Variants in KCNG4 observed in about 807,000 individuals in gnomAD.
KCNG4 encodes the protein voltage-gated potassium channel regulatory subunit KCNG4.
In KCNG4, 30 loss-of-function variants were observed where a neutral mutation model predicts 28.2. The observed-to-expected ratio is 1.06, with a 90% confidence interval of 0.80 to 1.44. The LOEUF is 1.44. Ranked by LOEUF, KCNG4 falls within the 40% of genes most tolerant of loss-of-function variation. The pLI, the probability that KCNG4 is intolerant of heterozygous loss-of-function variation, is 0.00. For missense variants in KCNG4, 879 were observed against 712.3 expected (o/e 1.23, Z -2.66); for synonymous variants, 375 against 315.5 (o/e 1.19, Z -2.00).
At position 84,222,046 on chromosome 16, in the gene KCNG4, G is replaced by A. The variant is rs528164525; in HGVS notation, c.*171C>T. The A allele has an allele frequency of 2.1e-4, 155 of 755,948 alleles. No homozygotes were observed. In the East Asian group the frequency reaches 3.4e-3, roughly 17 times the overall value. The allele number at this position is 755,948 out of a possible 1,614,324, so 46.8% of individuals were successfully genotyped here. On this transcript the variant is annotated 3_prime_UTR_variant, in exon 3 of 3. Coordinates refer to ENST00000308251, the MANE Select transcript of KCNG4 (RefSeq NM_172347.3). ...AGTCAGCCTGGGACATCGGGGCCCC[G>A]AGGGACAAGGATCACAGACACACAG...
chr16:84,234,430 C>T lies in KCNG4; in HGVS notation c.756+2300G>A, dbSNP rs574972261. ...CTGACCTCAGGAGATCCACCCACCT[C>T]GGCTTCCCAGAGTGCTGAGCTTACA... On this transcript the variant is annotated intron_variant, in intron 2 of 2. Coordinates refer to ENST00000308251, the MANE Select transcript of KCNG4 (RefSeq NM_172347.3). Among the ~76,000 whole-genome samples, 14 of 152,270 alleles carry T rather than the reference C, an allele frequency of 9.2e-5. No individual in the cohort carries two copies. In the South Asian group the frequency reaches 2.5e-3, roughly 27 times the overall value.
chr16:84,226,222 AC>A lies in KCNG4; in HGVS notation c.757-3203del, dbSNP rs1904694320. On this transcript the variant is annotated intron_variant, in intron 2 of 2. Transcript: ENST00000308251. This position sits in a 1 kb window ranked among gnomAD's most constrained non-coding sequence, Gnocchi z 4.1. ...CCCAGGGTGTGAATGGTGAAACAAC[AC>A]CGATGAATCCCACAGGCATGATGTG... Among the ~76,000 whole-genome samples, 1 of 152,160 alleles carries A rather than the reference AC, an allele frequency of 6.6e-6. No homozygotes were observed. Among genetic ancestry groups the A allele is most frequent in the Non-Finnish European group, 1.5e-5 (1 of 68,014 alleles).
chr16:84,233,853 A>C (rs761738638), intron 2 of KCNG4, among the ~76,000 whole-genome samples: 1 of 150,090 alleles, frequency 6.7e-6, no homozygotes, highest in Non-Finnish European at 1.5e-5. Context: ...GTCGGATTTT[A>C]GAGCCAATCA....
In KCNG4 at chr16:84,237,189, C is replaced by G. The variant is rs1459654615; in HGVS notation, c.297G>C (p.Gln99His). The G allele has an allele frequency of 1.2e-6, 2 of 1,614,204 alleles. No homozygotes were observed. Among genetic ancestry groups the G allele is most frequent in the Non-Finnish European group, 1.7e-6 (2 of 1,180,048 alleles). The change falls in exon 2 of 3, where the codon CAG becomes CAC. Residue 99 changes from glutamine (Q) to histidine (H), a missense_variant. Transcript: ENST00000308251. The stretch of plus-strand genomic sequence containing the variant: ...TGTCCTCGTCGTAATCATCGCAGAG[C>G]TGCACGATCTCCTCGTAGCTCCGAC... ...RLCRSYEEIVQLCDDYDEDSQ... is the reference protein window; with the variant it reads ...RLCRSYEEIVHLCDDYDEDSQ...
intron 2 of KCNG4, among the ~76,000 whole-genome samples, chr16:84,234,422 AC>A (rs747031610): frequency 5.9e-5 from 9 of 151,772 alleles, no homozygotes; most frequent in Non-Finnish European, 1.2e-4. Flanking sequence ...CAGGAGATCC[AC>A]CCACCTCGGC....
intron 2 of KCNG4, 169 bp downstream of exon 2, chr16:84,236,561 A>T: frequency 1.1e-6 from 1 of 882,270 alleles, no homozygotes; most frequent in Non-Finnish European, 1.6e-6. Flanking sequence ...AAGATGGAAA[A>T]TTATCTTTTA....
chr16:84,237,547 G>C (rs542611642), intron 1 of KCNG4, 22 bp from the exon 2 acceptor site: 1 of 1,413,672 alleles, frequency 7.1e-7, no homozygotes, highest in South Asian at 1.9e-5. Context: ...GGGACAAAGA[G>C]CAAGCAAAAG....
At chr16:84,228,891 C>T (rs1904759382) in intron 2 of KCNG4, among the ~76,000 whole-genome samples, 1 of 152,242 alleles carries the variant, frequency 6.6e-6, no homozygotes, top group African/African-American at 2.4e-5. Flanking sequence ...CCGCTGCTGC[C>T]CTCCGGTTCA....
chr16:84,226,652 G>A lies in KCNG4; in HGVS notation c.757-3632C>T, dbSNP rs143179853. On this transcript the variant is annotated intron_variant, in intron 2 of 2. Coordinates refer to ENST00000308251, the MANE Select transcript of KCNG4 (RefSeq NM_172347.3). This position sits in a 1 kb window ranked among gnomAD's most constrained non-coding sequence, Gnocchi z 4.1. ...CCAGCACTTTGGGAGGGCAAGGTGG[G>A]TGGATCACCTGAGGTCAGGAGTTCG... Among the ~76,000 whole-genome samples the A allele has an allele frequency of 6.7e-4, 102 of 151,708 alleles. No individual in the cohort carries two copies. The highest frequency in any genetic ancestry group is 1.2e-3 in the Admixed American group (19 of 15,218).
At chr16:84,239,109 A>T (rs1046636830) in intron 1 of KCNG4, among the ~76,000 whole-genome samples, 15 of 152,188 alleles carry the variant, frequency 9.9e-5, no homozygotes, top group African/African-American at 3.4e-4. Context: ...CACTCCAATC[A>T]AGAGAAAAAC....
Position 84,222,149 on chromosome 16 carries a change from G to A in KCNG4, c.*68C>T. 10 of 1,510,418 alleles carry A rather than the reference G, an allele frequency of 6.6e-6. No individual in the cohort carries two copies. The South Asian group carries it at 1.2e-4, about 18-fold the overall frequency. The allele number at this position is 1,510,418 out of a possible 1,614,324, so 93.6% of individuals were successfully genotyped here. ...AACACCACCAGGTGGTCTATGCGGG[G>A]TACCCTTGAGTGTGTTTCAGGCAGG... On this transcript the variant is annotated 3_prime_UTR_variant, in exon 3 of 3. Coordinates refer to ENST00000308251, the MANE Select transcript of KCNG4 (RefSeq NM_172347.3).
intron 2 of KCNG4, among the ~76,000 whole-genome samples, chr16:84,227,301 G>A (rs1597617360): frequency 1.3e-5 from 2 of 152,362 alleles, no homozygotes; most frequent in South Asian, 4.1e-4. Flanking sequence ...CACAGGCCGG[G>A]TGTGGTGGCT....
rs1192364401 is a variant in KCNG4 at position 84,226,832 on chromosome 16, T to C, written c.757-3812A>G. Among the ~76,000 whole-genome samples the C allele has an allele frequency of 6.6e-6, 1 of 151,718 alleles. No homozygotes were observed. Among genetic ancestry groups the C allele is most frequent in the Non-Finnish European group, 1.5e-5 (1 of 67,896 alleles). The stretch of plus-strand genomic sequence containing the variant: ...AGGCGGAGGTTGCAGTGAGCCGAGA[T>C]TGCACCACTGCACTGCAGCCTGGGC... On this transcript the variant is annotated intron_variant, in intron 2 of 2. Coordinates refer to ENST00000308251, the MANE Select transcript of KCNG4 (RefSeq NM_172347.3). The surrounding 1 kb of genome is among the most constrained non-coding windows in gnomAD (Gnocchi z 4.1).
chr16:84,227,901 G>T (rs916327106), intron 2 of KCNG4, among the ~76,000 whole-genome samples: 13 of 152,204 alleles, frequency 8.5e-5, no homozygotes, highest in Non-Finnish European at 1.8e-4. Flanking sequence ...GCAGAGGGGT[G>T]GGTGTCCGGG....
rs765624408 is a variant in KCNG4 at position 84,237,357 on chromosome 16, C to G, written c.129G>C (p.Arg43Ser). Residue 43 changes from arginine to serine, a missense_variant, in exon 2 of 3, where the codon AGG becomes AGC. Transcript: ENST00000308251. ...TPSIKGLYYR[R>S]VRKVGALDAS... Reference sequence around the variant, plus strand: ...CGTCCAGGGCACCCACCTTCCGCACCCTCCGGTAGTAAAGGCCCTTGATGG... The same window carrying G: ...CGTCCAGGGCACCCACCTTCCGCACGCTCCGGTAGTAAAGGCCCTTGATGG... 6 of 1,556,248 alleles carry G rather than the reference C, an allele frequency of 3.9e-6. No individual in the cohort carries two copies. The highest frequency in any genetic ancestry group is 3.7e-5 in the South Asian group (3 of 80,622).
chr16:84,227,470 G>A (rs535040904), intron 2 of KCNG4, among the ~76,000 whole-genome samples: 1 of 152,092 alleles, frequency 6.6e-6, no homozygotes, highest in Non-Finnish European at 1.5e-5. Context: ...CTAGCTACTC[G>A]GGAGGCTGAG....
At chr16:84,230,158 A>G (rs912040340) in intron 2 of KCNG4, among the ~76,000 whole-genome samples, 2 of 152,124 alleles carry the variant, frequency 1.3e-5, no homozygotes, top group African/African-American at 4.8e-5. Context: ...TAATCCCAGC[A>G]CTTTGGGAGG....
At position 84,237,104 on chromosome 16, in the gene KCNG4, C is replaced by T. The variant is rs753556242; in HGVS notation, c.382G>A (p.Ala128Thr). ...TGCAGAAGCACCAGCTTCCCGGCCG[C>T]CAGGAAGCTCACGATCACCCCGAAG... ...SAFGVIVSFL[A>T]AGKLVLLQEM... Residue 128 changes from alanine to threonine, a missense_variant, in exon 2 of 3, where the codon GCG (alanine) becomes ACG (threonine). Coordinates refer to ENST00000308251, the MANE Select transcript of KCNG4 (RefSeq NM_172347.3). 21 of 1,613,998 alleles carry T rather than the reference C, an allele frequency of 1.3e-5. No individual in the cohort carries two copies. The highest frequency in any genetic ancestry group is 1.7e-6 in the Non-Finnish European group (2 of 1,180,026).
chr16:84,231,830 C>G (rs1160897956), intron 2 of KCNG4, among the ~76,000 whole-genome samples: 2 of 151,976 alleles, frequency 1.3e-5, no homozygotes, highest in Non-Finnish European at 2.9e-5. Flanking sequence ...ATGGTGAAAC[C>G]TCATCTCTAC....
Sources: allele counts gnomAD v4.1 joint callset (sites outside exome capture counted in the v4.1 genomes callset), GRCh38; gene constraint gnomAD v4.1.1; non-coding constraint Gnocchi (gnomAD v3.1); transcripts MANE v1.5; gene names NCBI Gene and HGNC (gene_info 2026-07-23, HGNC 2026-07-21).